The following FYCO1 variants were observed in gnomAD, a reference collection of about 807,000 sequenced individuals.
The protein encoded by FYCO1 is FYVE and coiled-coil domain-containing protein 1.
Under a neutral mutation model 165.1 loss-of-function variants are expected in FYCO1, and 122 were observed. That is an observed-to-expected ratio of 0.74 (90% CI 0.64 to 0.86). FYCO1 has a LOEUF of 0.86. Ranked by LOEUF, FYCO1 falls within the 40% of genes least tolerant of loss-of-function variation. FYCO1 has a pLI of 0.00. For missense variants in FYCO1, 1,702 were observed against 1,810.3 expected (o/e 0.94, Z 1.09); for synonymous variants, 648 against 742.5 (o/e 0.87, Z 2.07).
At position 45,966,488 on chromosome 3, in the gene FYCO1, C is replaced by A. The variant is rs138529231; in HGVS notation, c.2846G>T (p.Arg949Leu). Residue 949 changes from arginine to leucine, a missense_variant, in exon 8 of 18, where the codon CGC (arginine) becomes CTC (leucine). Transcript: ENST00000296137. Reference sequence around the variant, plus strand: ...CTCTTGCTGCAGCCCAGCTACTTGGCGCTCCAGGCCCTCTCGCTCCCTTGA... The same window carrying A: ...CTCTTGCTGCAGCCCAGCTACTTGGAGCTCCAGGCCCTCTCGCTCCCTTGA... ...AASREREGLE[R>L]QVAGLQQEKE... 1 of 1,609,706 alleles carries A rather than the reference C, an allele frequency of 6.2e-7. No individual in the cohort carries two copies. Among genetic ancestry groups the A allele is most frequent in the African/African-American group, 1.3e-5 (1 of 74,972 alleles).
Position 45,973,209 on chromosome 3 carries a change from G to T in FYCO1, c.418C>A (p.Pro140Thr), listed in dbSNP as rs1353020964. Residue 140 changes from proline (P) to threonine (T), a missense_variant, in exon 6 of 18, where the codon CCC (proline) becomes ACC (threonine). By Grantham distance (38) the Pro-to-Thr change is conservative. Coordinates refer to ENST00000296137, the MANE Select transcript of FYCO1 (RefSeq NM_024513.4). The stretch of plus-strand genomic sequence containing the variant: ...GAGCTCAGCTTTGGCTGCAGAAAGG[G>T]GCTTCTTGCATAGTACCAGTCACTG... ...VTSDWYYARS[P>T]FLQPKLSSDI... 2 of 1,613,974 alleles carry T rather than the reference G, an allele frequency of 1.2e-6. No homozygotes were observed. Among genetic ancestry groups the T allele is most frequent in the Non-Finnish European group, 8.5e-7 (1 of 1,180,002 alleles).
chr3:45,964,452 G>A lies in FYCO1; in HGVS notation c.3153C>T (p.Ala1051=), dbSNP rs1378840734. ...GCTTCTCTCCCATGTCTGCTTGGGT[G>A]GCCTGGCACAGGACGTCAGGGAGAA... The part of the protein sequence containing the change: ...AAEEAVEKLK[A]TQADMGEKLS... Residue 1051 remains alanine, a splice_region_variant and synonymous_variant, in exon 10 of 18, where the codon GCC becomes GCT. Coordinates refer to ENST00000296137, the MANE Select transcript of FYCO1 (RefSeq NM_024513.4). The surrounding 1 kb of genome is among the most constrained non-coding windows in gnomAD (Gnocchi z 4.1). The A allele has an allele frequency of 6.2e-7, 1 of 1,613,968 alleles. No individual in the cohort carries two copies.
rs781354383 is a variant in FYCO1 at position 45,959,486 on chromosome 3, C to T, written c.3494G>A (p.Ser1165Asn). ...SDALEFQQKL[S>N]AEERWLGDTE... ...GTCTCCGAGCCATCTCTCCTCAGCA[C>T]TGAGCTTCTGCTGGAATTCCAGGGC... Residue 1165 changes from serine (S) to asparagine (N), a missense_variant, in exon 12 of 18, where the codon AGT becomes AAT. Physicochemically the swap from Ser to Asn is conservative, Grantham distance 46 (BLOSUM62 1). Transcript: ENST00000296137. The T allele has an allele frequency of 9.3e-6, 15 of 1,614,074 alleles. No homozygotes were observed. The African/African-American group carries it at 1.9e-4, about 20-fold the overall frequency.
At chr3:45,994,752 C>G (rs1350374284) in intron 1 of FYCO1, among the ~76,000 whole-genome samples, 1 of 151,324 alleles carries the variant, frequency 6.6e-6, no homozygotes, top group Non-Finnish European at 1.5e-5. Context: ...GGCAGGAGAA[C>G]CAGTGAGCAG....
At chr3:45,934,377 A>G (rs965650069) in intron 15 of FYCO1, among the ~76,000 whole-genome samples, 3 of 152,224 alleles carry the variant, frequency 2.0e-5, no homozygotes, top group Non-Finnish European at 2.9e-5. Context: ...GACAAAGAAA[A>G]AACTTGAAAG....
At chr3:45,981,821 G>GA (rs1233291516) in intron 2 of FYCO1, 145 bp from the exon 3 acceptor site, 4 of 693,344 alleles carry the variant, frequency 5.8e-6, no homozygotes, top group South Asian at 1.5e-5. Context: ...GTATCCATGA[G>GA]ATATAACTCC....
intron 14 of FYCO1, chr3:45,946,958 C>T: frequency 1.2e-6 from 2 of 1,614,170 alleles, no homozygotes; most frequent in Non-Finnish European, 1.7e-6. Flanking sequence ...GGGTGATATC[C>T]CTGCTGGTTT....
intron 15 of FYCO1, among the ~76,000 whole-genome samples, 166 bp from the exon 16 acceptor site, chr3:45,931,447 C>A (rs1465121608): frequency 6.6e-6 from 1 of 152,300 alleles, no homozygotes; most frequent in East Asian, 1.9e-4. Flanking sequence ...GGGCAGCTCA[C>A]TCCAACAAAT....
At chr3:45,940,626 A>T (rs1559445741) in intron 14 of FYCO1, among the ~76,000 whole-genome samples, 1 of 152,170 alleles carries the variant, frequency 6.6e-6, no homozygotes, top group Non-Finnish European at 1.5e-5. Flanking sequence ...CAAGGGCCGG[A>T]TGGGGCACTT....
chr3:45,922,637 T>C (rs182140354), intron 17 of FYCO1, among the ~76,000 whole-genome samples: 7 of 152,250 alleles, frequency 4.6e-5, no homozygotes, highest in Admixed American at 2.0e-4. Flanking sequence ...AGGGGTGCTT[T>C]CATTTCCACT....
intron 10 of FYCO1, among the ~76,000 whole-genome samples, chr3:45,963,986 G>A (rs1545985): frequency 0.71 from 107,605 of 152,164 alleles, 39,028 homozygotes; most frequent in East Asian, 1. Flanking sequence ...AGTCGGCCAC[G>A]TTTTCAGCAT....
intron 14 of FYCO1, among the ~76,000 whole-genome samples, chr3:45,943,760 C>T (rs915294757): frequency 6.6e-6 from 1 of 152,140 alleles, no homozygotes; most frequent in Admixed American, 6.5e-5. Context: ...TCCAGGCACA[C>T]AGTTAGTGCT....
rs554390639 is a variant in FYCO1, at chr3:45,943,604, T to C, written c.3945-7061A>G. 7 of 152,330 alleles carry C rather than the reference T, an allele frequency of 4.6e-5. No individual in the cohort carries two copies. In the South Asian group the frequency reaches 1.2e-3, roughly 27 times the overall value. The allele number at this position is 152,330 out of a possible 1,614,324, so 9.4% of individuals were successfully genotyped here. On this transcript the variant is annotated intron_variant, in intron 14 of 17. Coordinates refer to ENST00000296137, the MANE Select transcript of FYCO1 (RefSeq NM_024513.4). ...CAGGGAGGACTAACCCCAGGTATTG[T>C]TGGTATTCTCAGATTCCTGTCTGTA...
chr3:45,929,037 G>A (rs1421996346), intron 16 of FYCO1, among the ~76,000 whole-genome samples: 1 of 152,120 alleles, frequency 6.6e-6, no homozygotes, highest in Non-Finnish European at 1.5e-5. Flanking sequence ...TTTCCTCTAA[G>A]GCCCAGGCTG....
chr3:45,925,969 CAAAACA>C (rs1703301778), intron 16 of FYCO1, among the ~76,000 whole-genome samples: 1 of 152,038 alleles, frequency 6.6e-6, no homozygotes, highest in African/African-American at 2.4e-5. Flanking sequence ...ACAAAAACAA[CAAAACA>C]AAAAATAGAA....
chr3:45,972,987 T>A, intron 6 of FYCO1, 101 bp downstream of exon 6: 1 of 1,277,206 alleles, frequency 7.8e-7, no homozygotes, highest in Non-Finnish European at 1.1e-6. Context: ...TTTGTGTAAT[T>A]TACTGAGCAA....
chr3:45,939,390 C>T (rs560892424), intron 14 of FYCO1, among the ~76,000 whole-genome samples: 6 of 152,322 alleles, frequency 3.9e-5, no homozygotes, highest in Middle Eastern at 6.8e-3. Context: ...CAGCCCCTGG[C>T]ACTGTAGTCC....
At chr3:45,955,620 T>C (rs1705264186) in intron 13 of FYCO1, among the ~76,000 whole-genome samples, 1 of 152,106 alleles carries the variant, frequency 6.6e-6, no homozygotes, top group Admixed American at 6.5e-5. Flanking sequence ...CGAAATGGAA[T>C]GTACAACCTA....
rs1299696231 is a variant in FYCO1, at chr3:45,966,904, C to G, written c.2430G>C (p.Gln810His). 1 of 1,613,736 alleles carries G rather than the reference C, an allele frequency of 6.2e-7. No individual in the cohort carries two copies. Among genetic ancestry groups the G allele is most frequent in the Non-Finnish European group, 8.5e-7 (1 of 1,180,038 alleles). Reference sequence around the variant, plus strand: ...CGGCCTCAGCCATGCTTAGCTGGCTCTGCACCTTGTCCTGGTCATCCAGGG... The same window carrying G: ...CGGCCTCAGCCATGCTTAGCTGGCTGTGCACCTTGTCCTGGTCATCCAGGG... Reference protein sequence around the residue: ...RAALDDQDKVQSQLSMAEAVL... With the variant: ...RAALDDQDKVHSQLSMAEAVL... Residue 810 changes from glutamine (Q) to histidine (H), a missense_variant, in exon 8 of 18, where the codon CAG (glutamine) becomes CAC (histidine). By Grantham distance (24) the Gln-to-His change is conservative. Coordinates refer to ENST00000296137, the MANE Select transcript of FYCO1 (RefSeq NM_024513.4).
Sources: allele counts gnomAD v4.1 joint callset (sites outside exome capture counted in the v4.1 genomes callset), GRCh38; gene constraint gnomAD v4.1.1; non-coding constraint Gnocchi (gnomAD v3.1); transcripts MANE v1.5; gene names NCBI Gene and HGNC (gene_info 2026-07-23, HGNC 2026-07-21).